The following CARNMT1 variants were observed in gnomAD, a reference collection of about 807,000 sequenced individuals.
The protein encoded by CARNMT1 is carnosine N-methyltransferase 1.
Under a neutral mutation model 49.6 loss-of-function variants are expected in CARNMT1, and 28 were observed. The ratio of observed to expected loss-of-function variants is 0.56; its 90% CI spans 0.42 to 0.77. The LOEUF (loss-of-function observed/expected upper bound fraction) is 0.77, where lower values mean the gene tolerates loss of function less well. CARNMT1 is among the 30% of genes least tolerant of loss of function. CARNMT1 has a pLI of 0.00. For synonymous variants in CARNMT1, 178 were observed against 175.0 expected, an observed-to-expected ratio of 1.02 and a Z score of -0.13; for missense variants, 421 against 512.6, an observed-to-expected ratio of 0.82 and a Z score of 1.73.
chr9:75,011,686 G>GT (rs1338080718), intron 3 of CARNMT1, among the ~76,000 whole-genome samples: 1 of 152,088 alleles, frequency 6.6e-6, no homozygotes, highest in Non-Finnish European at 1.5e-5. Context: ...GTTCAACACT[G>GT]TAAGACGGTT....
rs1463938783 is a variant in CARNMT1 at position 74,996,544 on chromosome 9, A to C, written c.927T>G (p.Ile309Met). The change falls in exon 6 of 8, where the codon ATT becomes ATG. Residue 309 changes from isoleucine (I) to methionine (M), a missense_variant. By Grantham distance (10) the Ile-to-Met change is conservative (BLOSUM62 1). Transcript: ENST00000376834. ...IYSECNTWDC[I>M]ATCFFIDTAH... ...CTGTGTCTATGAAGAAACAGGTAGC[A>C]ATACAGTCCCAGGTATCTAATGAAG... 2 of 1,591,754 alleles carry C rather than the reference A, an allele frequency of 1.3e-6. No individual in the cohort carries two copies. Among genetic ancestry groups the C allele is most frequent in the South Asian group, 2.3e-5 (2 of 87,824 alleles).
chr9:75,018,528 C>T (rs1038311590), intron 1 of CARNMT1, among the ~76,000 whole-genome samples: 4 of 152,044 alleles, frequency 2.6e-5, no homozygotes, highest in Admixed American at 1.3e-4. Flanking sequence ...CATACATCAG[C>T]GCAACCACTT....
At chr9:74,984,574 G>T (rs1383275774) in intron 7 of CARNMT1, among the ~76,000 whole-genome samples, 2 of 152,164 alleles carry the variant, frequency 1.3e-5, no homozygotes, top group African/African-American at 2.4e-5. Context: ...ACTTCATGTG[G>T]CAGGTGGTCA....
intron 1 of CARNMT1, among the ~76,000 whole-genome samples, chr9:75,024,403 G>A (rs1401577702): frequency 1.3e-5 from 2 of 152,106 alleles, no homozygotes; most frequent in Non-Finnish European, 2.9e-5. Context: ...ATCCTCACCT[G>A]TAAAAATCAG....
chr9:75,024,533 C>T (rs1013565185), intron 1 of CARNMT1, among the ~76,000 whole-genome samples: 1 of 152,152 alleles, frequency 6.6e-6, no homozygotes, highest in South Asian at 2.1e-4. Context: ...TCATTCGTAA[C>T]AAGACTGGGT....
At position 75,011,205 on chromosome 9, in the gene CARNMT1, C is replaced by T. The variant is rs141316453; in HGVS notation, c.590+5063G>A. Among the ~76,000 whole-genome samples the T allele has an allele frequency of 6.3e-3, 953 of 152,196 alleles. 8 individuals are homozygous for T. Among genetic ancestry groups the T allele is most frequent in the African/African-American group, 0.022 (906 of 41,502 alleles). Reference sequence around the variant, plus strand: ...CATAAACAGGCACTTTGATACACTGCCAGTAGACAGACAAAACAGTGCAAC... The same window carrying T: ...CATAAACAGGCACTTTGATACACTGTCAGTAGACAGACAAAACAGTGCAAC... On this transcript the variant is annotated intron_variant, in intron 3 of 7. Coordinates refer to ENST00000376834, the MANE Select transcript of CARNMT1 (RefSeq NM_152420.3).
chr9:74,987,271 TTC>T (rs1415141441), intron 6 of CARNMT1, among the ~76,000 whole-genome samples: 2 of 152,190 alleles, frequency 1.3e-5, no homozygotes, highest in Non-Finnish European at 2.9e-5. Flanking sequence ...GACCCAGCAA[TTC>T]TGTTAGGTAC....
chr9:75,021,469 A>G (rs1587309869), intron 1 of CARNMT1, among the ~76,000 whole-genome samples: 1 of 123,390 alleles, frequency 8.1e-6, no homozygotes, highest in Non-Finnish European at 1.8e-5. Context: ...GGATAAATAT[A>G]TATACTATAT....
intron 1 of CARNMT1, among the ~76,000 whole-genome samples, chr9:75,026,542 T>A (rs1338353700): frequency 6.6e-6 from 1 of 152,322 alleles, no homozygotes; most frequent in South Asian, 2.1e-4. Context: ...CTGCATCAAA[T>A]TCAATTCTCT....
intron 6 of CARNMT1, among the ~76,000 whole-genome samples, chr9:74,986,940 C>A (rs1422650274): frequency 6.6e-6 from 1 of 152,152 alleles, no homozygotes; most frequent in Admixed American, 6.5e-5. Context: ...TAACTTAGTG[C>A]TGAATTTATA....
intron 3 of CARNMT1, among the ~76,000 whole-genome samples, chr9:75,005,859 C>T (rs971409035): frequency 2.0e-5 from 3 of 149,114 alleles, no homozygotes; most frequent in African/African-American, 7.4e-5. Context: ...CACACACACA[C>T]ACACACACAC....
At chr9:75,006,490 A>G (rs1373826012) in intron 3 of CARNMT1, among the ~76,000 whole-genome samples, 1 of 152,224 alleles carries the variant, frequency 6.6e-6, no homozygotes, top group Admixed American at 6.5e-5. Context: ...CTATAAGGAA[A>G]TCAATCTAAA....
At chr9:75,017,071 A>G (rs892956617) in intron 2 of CARNMT1, 182 bp downstream of exon 2, 12 of 543,262 alleles carry the variant, frequency 2.2e-5, no homozygotes, top group South Asian at 1.2e-4. Context: ...AAGGAAAACA[A>G]GTGAACAGAT....
In CARNMT1 at chr9:75,009,060, CTTTTTTTTTTTTT is replaced by C. The variant is rs752851220; in HGVS notation, c.590+7195_590+7207del. Reference sequence around the variant, plus strand: ...GACCATTCAATCGGGAAAGGACAGTCTTTTTTTTTTTTTTTTTTTTTAACAAATGTATTGGGAA... The same window carrying C: ...GACCATTCAATCGGGAAAGGACAGTCTTTTTTTTAACAAATGTATTGGGAA... On this transcript the variant is annotated intron_variant, in intron 3 of 7. Coordinates refer to ENST00000376834, the MANE Select transcript of CARNMT1 (RefSeq NM_152420.3). Among the ~76,000 whole-genome samples, 287 of 125,508 alleles carry C rather than the reference CTTTTTTTTTTTTT, an allele frequency of 2.3e-3. 2 individuals carry two copies. Among genetic ancestry groups the C allele is most frequent in the African/African-American group, 8.2e-3 (274 of 33,360 alleles). 82.3% of individuals were successfully genotyped at this position (125,508 alleles called of 152,430 possible).
At chr9:75,012,939 T>C (rs1833744380) in intron 3 of CARNMT1, among the ~76,000 whole-genome samples, 2 of 151,672 alleles carry the variant, frequency 1.3e-5, no homozygotes, top group Non-Finnish European at 2.9e-5. Context: ...AAAAATCTTA[T>C]CTATATGTAC....
Position 74,985,050 on chromosome 9 carries a change from A to G in CARNMT1, c.1025-40T>C, listed in dbSNP as rs928340646. ...TACTATGAATTACTTGAATATAAACATACACTCATAGCTGTGTTACACTGA... is the reference window on the plus strand; with the variant it reads ...TACTATGAATTACTTGAATATAAACGTACACTCATAGCTGTGTTACACTGA... On this transcript the variant is annotated intron_variant, in intron 6 of 7. Coordinates refer to ENST00000376834, the MANE Select transcript of CARNMT1 (RefSeq NM_152420.3). 2.2e-6 allele frequency: 3 copies of G among 1,371,756 alleles called. No individual in the cohort carries two copies. The Admixed American group carries it at 5.0e-5, about 23-fold the overall frequency. 85.0% of individuals were successfully genotyped at this position (1,371,756 alleles called of 1,614,324 possible).
chr9:74,995,667 C>T (rs1833166021), intron 6 of CARNMT1, among the ~76,000 whole-genome samples: 1 of 151,994 alleles, frequency 6.6e-6, no homozygotes, highest in African/African-American at 2.4e-5. Flanking sequence ...CTAGACCCAC[C>T]CGGAAGGCCA....
At chr9:74,992,618 C>A (rs1833060266) in intron 6 of CARNMT1, among the ~76,000 whole-genome samples, 1 of 152,138 alleles carries the variant, frequency 6.6e-6, no homozygotes, top group Admixed American at 6.5e-5. Context: ...CATAGCCTTA[C>A]CCAAAGGACA....
chr9:74,985,840 A>C (rs1832821021), intron 6 of CARNMT1, among the ~76,000 whole-genome samples: 1 of 152,220 alleles, frequency 6.6e-6, no homozygotes, highest in African/African-American at 2.4e-5. Flanking sequence ...TTGGCCTCCC[A>C]AAGTGTTGCG....
Sources: allele counts gnomAD v4.1 joint callset (sites outside exome capture counted in the v4.1 genomes callset), GRCh38; gene constraint gnomAD v4.1.1; transcripts MANE v1.5; gene names NCBI Gene and HGNC (gene_info 2026-07-23, HGNC 2026-07-21).